Variants in CDH13 observed in about 807,000 individuals in gnomAD.
CDH13 encodes cadherin 13.
Under a neutral mutation model 63.8 loss-of-function variants are expected in CDH13, and 24 were observed. The observed-to-expected ratio is 0.38, with a 90% CI of 0.27 to 0.53. The LOEUF (loss-of-function observed/expected upper bound fraction) is 0.53. CDH13 is among the 20% of genes least tolerant of loss of function. The pLI is 0.85. For synonymous variants in CDH13, 503 were observed against 355.3 expected (o/e 1.42, Z -4.67); for missense variants, 1,049 against 903.1 (o/e 1.16, Z -2.07).
chr16:83,511,216 C>A (rs1212661743), intron 7 of CDH13, among the ~76,000 whole-genome samples: 3 of 152,244 alleles, frequency 2.0e-5, no homozygotes, highest in Non-Finnish European at 4.4e-5. Flanking sequence ...GATCCCAACA[C>A]TTTGGGAGGC....
At chr16:82,661,577 C>A (rs755439752) in intron 1 of CDH13, among the ~76,000 whole-genome samples, 7 of 152,172 alleles carry the variant, frequency 4.6e-5, no homozygotes, top group Non-Finnish European at 8.8e-5. Flanking sequence ...TCTAGAAGAT[C>A]CGTGCCTCTT....
intron 4 of CDH13, among the ~76,000 whole-genome samples, chr16:83,177,859 A>C (rs1021688413): frequency 3.9e-5 from 6 of 152,192 alleles, no homozygotes; most frequent in African/African-American, 1.4e-4. Context: ...GTATTACCTA[A>C]TACCTGCTTT....
chr16:83,139,793 G>A (rs1402688165), intron 4 of CDH13, among the ~76,000 whole-genome samples: 12 of 151,992 alleles, frequency 7.9e-5, no homozygotes, highest in East Asian at 3.9e-4. Flanking sequence ...ACCTGAGGTC[G>A]GGAGTTTGAG....
intron 5 of CDH13, among the ~76,000 whole-genome samples, chr16:83,231,694 C>T (rs1463659511): frequency 1.3e-5 from 2 of 152,156 alleles, no homozygotes; most frequent in Non-Finnish European, 2.9e-5. Flanking sequence ...CAGAGTGTGG[C>T]CTGCAAAGCC....
intron 2 of CDH13, among the ~76,000 whole-genome samples, chr16:82,895,939 C>G (rs1403180183): frequency 2.6e-5 from 4 of 152,176 alleles, no homozygotes; most frequent in Non-Finnish European, 5.9e-5. Context: ...TTGTGGCTGC[C>G]TCAAAGCCTT....
rs146046139 is a variant in CDH13, at chr16:82,756,344, G to C, written c.46-102018G>C. Among the ~76,000 whole-genome samples the C allele has an allele frequency of 7.5e-3, 1,143 of 152,218 alleles. 16 individuals are homozygous for C. The highest frequency in any genetic ancestry group is 0.025 in the African/African-American group (1,034 of 41,538). On this transcript the variant is annotated intron_variant, in intron 1 of 13. Transcript: ENST00000567109. ...GAAAGAAGTCATGAGTCATTAGTCT[G>C]GACTGCTATAGTAATGATAATAATA...
chr16:82,789,164 C>T (rs1349101017), intron 1 of CDH13, among the ~76,000 whole-genome samples: 1 of 152,102 alleles, frequency 6.6e-6, no homozygotes, highest in Non-Finnish European at 1.5e-5. Context: ...CTTAAGGTGC[C>T]CTGGAGGGGT....
intron 4 of CDH13, among the ~76,000 whole-genome samples, chr16:83,132,850 C>T (rs1305993268): frequency 6.6e-6 from 1 of 152,204 alleles, no homozygotes; most frequent in Admixed American, 6.5e-5. Context: ...CTCAAAAATT[C>T]TTCTTGAGAT....
At chr16:83,587,036 T>C (rs1006788997) in intron 7 of CDH13, among the ~76,000 whole-genome samples, 2 of 152,214 alleles carry the variant, frequency 1.3e-5, no homozygotes, top group Non-Finnish European at 1.5e-5. Flanking sequence ...CTCCGTGGGC[T>C]CCTTTCGTTT....
chr16:83,097,451 G>A (rs2034261998), intron 3 of CDH13, among the ~76,000 whole-genome samples: 1 of 152,166 alleles, frequency 6.6e-6, no homozygotes, highest in Admixed American at 6.5e-5. Flanking sequence ...GAATCAGTGT[G>A]CATATGATCA....
chr16:83,093,462 G>C (rs1339347007), intron 3 of CDH13, among the ~76,000 whole-genome samples: 1 of 151,580 alleles, frequency 6.6e-6, no homozygotes, highest in Non-Finnish European at 1.5e-5. Context: ...GGGATTATAG[G>C]CACCCACCAC....
In CDH13 at chr16:83,702,087, ATC is replaced by A. The variant is rs1315438855; in HGVS notation, c.1538+23628_1538+23629del. On this transcript the variant is annotated intron_variant, in intron 10 of 13. Coordinates refer to ENST00000567109, the MANE Select transcript of CDH13 (RefSeq NM_001257.5). ...CCAATACATATTAACTATTATTGTA[ATC>A]TGTCAAGAATCATCCCAAATATACC... is the stretch of plus-strand genomic sequence containing the variant. Among the ~76,000 whole-genome samples, 3 of 152,204 alleles carry A rather than the reference ATC, an allele frequency of 2.0e-5. No homozygotes were observed. The East Asian group carries it at 5.8e-4, about 29-fold the overall frequency.
intron 6 of CDH13, among the ~76,000 whole-genome samples, chr16:83,464,621 A>G (rs1221323462): frequency 6.6e-6 from 1 of 152,128 alleles, no homozygotes; most frequent in African/African-American, 2.4e-5. Flanking sequence ...TGAGCTCCCA[A>G]CATGCTGGGA....
chr16:83,172,591 A>G (rs1016870471), intron 4 of CDH13, among the ~76,000 whole-genome samples: 29 of 152,006 alleles, frequency 1.9e-4, no homozygotes, highest in Non-Finnish European at 7.4e-5. Flanking sequence ...ACAAACAACA[A>G]GAAAAATCCA....
chr16:83,034,378 G>C (rs4366697), intron 3 of CDH13, among the ~76,000 whole-genome samples: 41,747 of 152,066 alleles, frequency 0.27, 6,046 homozygotes, highest in Non-Finnish European at 0.33. Flanking sequence ...ACCTAAAAAC[G>C]AATGTACGGC....
At chr16:83,539,650 T>A (rs1233762325) in intron 7 of CDH13, among the ~76,000 whole-genome samples, 1 of 152,214 alleles carries the variant, frequency 6.6e-6, no homozygotes, top group African/African-American at 2.4e-5. Context: ...TTTCAGAGCA[T>A]TTTCTACGTG....
At chr16:82,813,698 G>A (rs1387966627) in intron 1 of CDH13, among the ~76,000 whole-genome samples, 2 of 152,094 alleles carry the variant, frequency 1.3e-5, no homozygotes, top group Non-Finnish European at 2.9e-5. Context: ...TGAGGCCCAG[G>A]CTTTTAAAGA....
chr16:83,289,422 C>G (rs534225302), intron 5 of CDH13, among the ~76,000 whole-genome samples: 2 of 152,100 alleles, frequency 1.3e-5, no homozygotes, highest in Non-Finnish European at 2.9e-5. Flanking sequence ...TGCAGATGCC[C>G]AGGCTCCACT....
At chr16:83,671,771 G>T (rs1175774895) in intron 9 of CDH13, among the ~76,000 whole-genome samples, 1 of 152,146 alleles carries the variant, frequency 6.6e-6, no homozygotes, top group African/African-American at 2.4e-5. Flanking sequence ...CTCACACACT[G>T]ACCCTCTCTA....
Sources: gnomAD v4.1 joint callset for allele counts (sites outside exome capture counted in the v4.1 genomes callset) on GRCh38, gnomAD v4.1.1 for gene constraint, MANE v1.5 for transcripts, NCBI Gene and HGNC (gene_info 2026-07-23, HGNC 2026-07-21) for gene names.